PHF14: variants seen among roughly 807,000 people sequenced by gnomAD.
PHF14 encodes PHD finger protein 14.
In PHF14, 55 loss-of-function variants were observed where a neutral mutation model predicts 117.9. The ratio of observed to expected loss-of-function variants is 0.47; its 90% CI spans 0.38 to 0.58. The LOEUF is 0.58. Ranked by LOEUF, PHF14 falls within the 20% of genes least tolerant of loss-of-function variation. The pLI, the probability that PHF14 is intolerant of heterozygous loss-of-function variation, is 0.00. For missense variants in PHF14, 978 were observed against 1,122.2 expected, an observed-to-expected ratio of 0.87 and a Z score of 1.84; for synonymous variants, 409 against 368.6, an observed-to-expected ratio of 1.11 and a Z score of -1.26.
intron 17 of PHF14, among the ~76,000 whole-genome samples, chr7:11,121,450 GC>G (rs1787750756): frequency 6.6e-6 from 1 of 152,044 alleles, no homozygotes; most frequent in African/African-American, 2.4e-5. Flanking sequence ...CAGTACAGTA[GC>G]CTCCCCCCAC....
At chr7:11,142,823 A>G (rs1418559737) in intron 17 of PHF14, among the ~76,000 whole-genome samples, 1 of 152,144 alleles carries the variant, frequency 6.6e-6, no homozygotes, top group African/African-American at 2.4e-5. Context: ...AAGTTTTCAG[A>G]AACAAATTGT....
intron 13 of PHF14, among the ~76,000 whole-genome samples, chr7:11,049,668 TTAAC>T (rs1340277617): frequency 6.6e-6 from 1 of 152,164 alleles, no homozygotes; most frequent in Non-Finnish European, 1.5e-5. Flanking sequence ...TTATTATTAG[TTAAC>T]TAACAATATC....
chr7:11,102,889 TAC>T, intron 16 of PHF14: 1 of 1,124,726 alleles, frequency 8.9e-7, no homozygotes, highest in African/African-American at 1.6e-5. Context: ...CAAATGTTGA[TAC>T]ACAGTGTTTG....
At chr7:11,062,180 A>T (rs769554506) in intron 16 of PHF14, 95 bp downstream of exon 16, 18 of 1,036,452 alleles carry the variant, frequency 1.7e-5, no homozygotes, top group Non-Finnish European at 2.3e-5. Flanking sequence ...GCAGGATAAG[A>T]CCTTTCTTAA....
At position 11,169,600 on chromosome 7, in the gene PHF14, A is replaced by G; in HGVS notation, c.*110A>G. 2.1e-6 allele frequency: 1 copy of G among 485,262 alleles called. No homozygotes were observed. Among genetic ancestry groups the G allele is most frequent in the Non-Finnish European group, 3.6e-6 (1 of 275,656 alleles). The allele number at this position is 485,262 out of a possible 1,614,324, so 30.1% of individuals were successfully genotyped here. A position where few individuals can be genotyped will look rare whatever the true frequency, so the allele number is the denominator to read the frequency against. On this transcript the variant is annotated 3_prime_UTR_variant, in exon 18 of 18. Transcript: ENST00000634607. ...ATCTAATTTGCAAAATGTTCTCAAT[A>G]AAGTCATTCAAAATGAAATAGGAGC...
At chr7:11,029,123 AT>A (rs934732068) in intron 7 of PHF14, among the ~76,000 whole-genome samples, 27 of 152,196 alleles carry the variant, frequency 1.8e-4, no homozygotes, top group African/African-American at 5.8e-4. Context: ...TTAAAAAAAA[AT>A]AGCATATTTT....
At position 10,980,014 on chromosome 7, in the gene PHF14, C is replaced by G. The variant is rs367962180; in HGVS notation, c.113-2358C>G. 3.3e-5 allele frequency among the ~76,000 whole-genome samples: 5 copies of G among 151,994 alleles called. No individual in the cohort carries two copies. The South Asian group carries it at 6.2e-4, about 19-fold the overall frequency. On this transcript the variant is annotated intron_variant, in intron 2 of 17. Coordinates refer to ENST00000634607, the MANE Select transcript of PHF14 (RefSeq NM_001007157.2). ...TTTCTATTCAGGCATGGTTATAAAT[C>G]AAAAACAGAATCAAGGAGTCTCAAT...
At position 11,112,743 on chromosome 7, in the gene PHF14, C is replaced by A. The variant is rs142245229; in HGVS notation, c.2772+1276C>A. ...CCGAGATCACGCCATTGCATGCCAA[C>A]CTGGGCGACAGGGCGAGACTCCATC... On this transcript the variant is annotated intron_variant, in intron 17 of 17. Coordinates refer to ENST00000634607, the MANE Select transcript of PHF14 (RefSeq NM_001007157.2). Among the ~76,000 whole-genome samples, 1,054 of 151,844 alleles carry A rather than the reference C, an allele frequency of 6.9e-3. 4 individuals carry two copies. The highest frequency in any genetic ancestry group is 0.012 in the Non-Finnish European group (806 of 67,944).
chr7:11,107,548 G>A, intron 16 of PHF14: 1 of 881,528 alleles, frequency 1.1e-6, no homozygotes, highest in Non-Finnish European at 1.4e-6. Flanking sequence ...GTTTATTAGA[G>A]GCTTAAATGA....
At chr7:11,123,367 A>G (rs1309023116) in intron 17 of PHF14, among the ~76,000 whole-genome samples, 1 of 152,194 alleles carries the variant, frequency 6.6e-6, no homozygotes, top group East Asian at 1.9e-4. Context: ...AAGTAGTTTA[A>G]CTGACATTTA....
At chr7:11,094,760 G>A (rs988834008) in intron 16 of PHF14, among the ~76,000 whole-genome samples, 1 of 152,112 alleles carries the variant, frequency 6.6e-6, no homozygotes, top group African/African-American at 2.4e-5. Context: ...TCTTACTCAT[G>A]TAGTGTTGAG....
At chr7:11,070,137 C>G (rs12666576) in intron 16 of PHF14, among the ~76,000 whole-genome samples, 4,672 of 152,198 alleles carry the variant, frequency 0.031, 207 homozygotes, top group East Asian at 0.1. Context: ...GAGACAAGGT[C>G]TCATGATCAC....
chr7:11,138,347 A>G (rs1583494918), intron 17 of PHF14, among the ~76,000 whole-genome samples: 1 of 152,150 alleles, frequency 6.6e-6, no homozygotes, highest in African/African-American at 2.4e-5. Context: ...GGCCGGAAAA[A>G]TATTTCTAAA....
At chr7:10,991,401 C>T (rs1409541894) in intron 4 of PHF14, among the ~76,000 whole-genome samples, 2 of 152,054 alleles carry the variant, frequency 1.3e-5, no homozygotes, top group East Asian at 1.9e-4. Flanking sequence ...TGGTCTTGAA[C>T]TCCTGACCTC....
At chr7:11,119,517 C>T (rs1053820750) in intron 17 of PHF14, among the ~76,000 whole-genome samples, 1 of 151,560 alleles carries the variant, frequency 6.6e-6, no homozygotes, top group African/African-American at 2.4e-5. Flanking sequence ...TGAAAAGATA[C>T]TCCTAGTGGA....
intron 17 of PHF14, among the ~76,000 whole-genome samples, chr7:11,162,694 C>G (rs1789080675): frequency 6.9e-6 from 1 of 145,982 alleles, no homozygotes; most frequent in Admixed American, 7.2e-5. Context: ...ATGGGAAATC[C>G]AAAGTCTTTT....
chr7:11,002,131 AC>A (rs975473671), intron 4 of PHF14, among the ~76,000 whole-genome samples: 1 of 151,546 alleles, frequency 6.6e-6, no homozygotes, highest in African/African-American at 2.4e-5. Context: ...TGCAACCTCT[AC>A]CTCCTGAGTT....
chr7:11,036,933 A>G, intron 9 of PHF14, 52 bp from the exon 10 acceptor site: 4 of 1,211,422 alleles, frequency 3.3e-6, no homozygotes, highest in Admixed American at 2.5e-5. Flanking sequence ...GTTTCTTCCT[A>G]TGTCAGTTTT....
chr7:11,165,016 C>T (rs571827628), intron 17 of PHF14, among the ~76,000 whole-genome samples: 1 of 152,284 alleles, frequency 6.6e-6, no homozygotes, highest in Non-Finnish European at 1.5e-5. Flanking sequence ...CCTCCACCTC[C>T]TGGGTTCAAG....
Sources: allele counts gnomAD v4.1 joint callset (sites outside exome capture counted in the v4.1 genomes callset), GRCh38; gene constraint gnomAD v4.1.1; transcripts MANE v1.5; gene names NCBI Gene and HGNC (gene_info 2026-07-23, HGNC 2026-07-21).